DNAJC5: variants seen among roughly 807,000 people sequenced by gnomAD.
The protein encoded by DNAJC5 is dnaJ homolog subfamily C member 5.
DNAJC5 carries 1 observed loss-of-function variant against 23.2 expected under a neutral mutation model. The observed-to-expected ratio is 0.04, with a 90% CI of 0.02 to 0.20. The LOEUF (loss-of-function observed/expected upper bound fraction) is 0.20, where lower values mean the gene tolerates loss of function less well. DNAJC5 is among the 10% of genes least tolerant of loss of function. DNAJC5 has a pLI of 1.00. For synonymous variants in DNAJC5, 136 were observed against 120.0 expected (o/e 1.13, Z -0.87); for missense variants, 180 against 267.0 (o/e 0.67, Z 2.27).
rs757990386 is a variant in DNAJC5 at position 63,929,272 on chromosome 20, A to C, written c.108-40A>C. On this transcript the variant is annotated intron_variant, in intron 2 of 4. Coordinates refer to ENST00000360864, the MANE Select transcript of DNAJC5 (RefSeq NM_025219.3). This position sits in a 1 kb window ranked among gnomAD's most constrained non-coding sequence, Gnocchi z 8.6. ...ACGCGGCGGCGGGTGCGGGTGGAAC[A>C]AAGTCCAGGGTAGAGCCAGGACATG... The C allele has an allele frequency of 7.5e-6, 12 of 1,593,124 alleles. No individual in the cohort carries two copies. Among genetic ancestry groups the C allele is most frequent in the Non-Finnish European group, 1.0e-5 (12 of 1,170,000 alleles).
At chr20:63,907,086 C>G (rs186524413) in intron 1 of DNAJC5, among the ~76,000 whole-genome samples, 180 of 152,078 alleles carry the variant, frequency 1.2e-3, no homozygotes, top group African/African-American at 4.1e-3. Context: ...GAGACTCTGT[C>G]TCTAAAATAA....
rs2053712112 is a variant in DNAJC5 at position 63,935,702 on chromosome 20, C to T, written c.*4134C>T. Reference sequence around the variant, plus strand: ...GCTGGGCCCGGGGTCCTGCAGGCGGCACCTTTTGGTAGAGTTTGTTTCCCT... The same window carrying T: ...GCTGGGCCCGGGGTCCTGCAGGCGGTACCTTTTGGTAGAGTTTGTTTCCCT... On this transcript the variant is annotated 3_prime_UTR_variant, in exon 5 of 5. Coordinates refer to ENST00000360864, the MANE Select transcript of DNAJC5 (RefSeq NM_025219.3). The T allele has an allele frequency of 1.3e-5, 2 of 152,258 alleles. No homozygotes were observed. The highest frequency in any genetic ancestry group is 1.3e-4 in the Admixed American group (2 of 15,284). 9.4% of individuals were successfully genotyped at this position (152,258 alleles called of 1,614,324 possible).
chr20:63,905,560 C>T, intron 1 of DNAJC5, among the ~76,000 whole-genome samples: 1 of 150,626 alleles, frequency 6.6e-6, no homozygotes, highest in Non-Finnish European at 1.5e-5. Flanking sequence ...CATGACCGCA[C>T]ATGGCAGATT....
chr20:63,907,268 C>A (rs1328050221), intron 1 of DNAJC5, among the ~76,000 whole-genome samples: 1 of 152,132 alleles, frequency 6.6e-6, no homozygotes, highest in Non-Finnish European at 1.5e-5. Flanking sequence ...ACTTTGATTT[C>A]AGTTACAGCC....
At chr20:63,909,680 CAAA>C (rs1253622504) in intron 1 of DNAJC5, among the ~76,000 whole-genome samples, 1 of 152,162 alleles carries the variant, frequency 6.6e-6, no homozygotes, top group Non-Finnish European at 1.5e-5. Flanking sequence ...GACTCCGTCT[CAAA>C]GAAAGAAAAA....
chr20:63,909,419 C>T (rs1220763956), intron 1 of DNAJC5, among the ~76,000 whole-genome samples: 1 of 152,190 alleles, frequency 6.6e-6, no homozygotes. Context: ...AGGAGAATGG[C>T]GTGAACCAGG....
chr20:63,903,890 A>G (rs1460524849), intron 1 of DNAJC5, among the ~76,000 whole-genome samples: 1 of 152,144 alleles, frequency 6.6e-6, no homozygotes, highest in African/African-American at 2.4e-5. Context: ...ATTTGAGACC[A>G]GCCTGGGTAA....
In DNAJC5 at chr20:63,916,773, C is replaced by G. The variant is rs148687704; in HGVS notation, c.-11-11562C>G. Among the ~76,000 whole-genome samples the G allele has an allele frequency of 8.6e-3, 1,314 of 152,250 alleles. 18 individuals carry two copies. The highest frequency in any genetic ancestry group is 0.021 in the South Asian group (101 of 4,820). On this transcript the variant is annotated intron_variant, in intron 1 of 4. Transcript: ENST00000360864. ...AGAGCAGCCTTCTGTAGACCTCCCC[C>G]CAGGAATGCATTCCTTTCCCAGAGT...
intron 1 of DNAJC5, among the ~76,000 whole-genome samples, chr20:63,923,036 G>A (rs2053584724): frequency 6.6e-6 from 1 of 152,072 alleles, no homozygotes; most frequent in South Asian, 2.1e-4. Flanking sequence ...AGCTATTCAG[G>A]AGGCTACGGC....
intron 1 of DNAJC5, among the ~76,000 whole-genome samples, chr20:63,907,467 CAA>C (rs1165812117): frequency 6.6e-6 from 1 of 152,170 alleles, no homozygotes; most frequent in African/African-American, 2.4e-5. Context: ...GCCCATTCGA[CAA>C]AGAGGAGATC....
In DNAJC5 at chr20:63,931,200, AG is replaced by A; in HGVS notation, c.493+179del. On this transcript the variant is annotated intron_variant, in intron 4 of 4. Transcript: ENST00000360864. This position sits in a 1 kb window ranked among gnomAD's most constrained non-coding sequence, Gnocchi z 9.6. ...ACCCTGAGGTAAAGCAGGCGCATAG[AG>A]CTGTCCCCGCCGTGACCTGCGGTAG... The A allele has an allele frequency of 1.3e-6, 1 of 798,910 alleles. No individual in the cohort carries two copies. The highest frequency in any genetic ancestry group is 2.1e-6 in the Non-Finnish European group (1 of 484,970). The allele number at this position is 798,910 out of a possible 1,614,324, so 49.5% of individuals were successfully genotyped here.
intron 1 of DNAJC5, 114 bp downstream of exon 1, chr20:63,895,437 A>G (rs1405118684): frequency 8.6e-5 from 12 of 140,030 alleles, no homozygotes; most frequent in Admixed American, 7.8e-4. Flanking sequence ...AATGGCGGCG[A>G]CCCCCGGGCC....
intron 1 of DNAJC5, among the ~76,000 whole-genome samples, chr20:63,901,616 T>C (rs2053413243): frequency 6.6e-6 from 1 of 152,242 alleles, no homozygotes; most frequent in Non-Finnish European, 1.5e-5. Context: ...TGCAGGTGCC[T>C]GACGGGAGGA....
chr20:63,902,751 C>T lies in DNAJC5; in HGVS notation c.-12+7428C>T, dbSNP rs144516018. Among the ~76,000 whole-genome samples the T allele has an allele frequency of 5.9e-3, 881 of 148,714 alleles. 31 individuals carry two copies. Among genetic ancestry groups the T allele is most frequent in the Admixed American group, 0.052 (766 of 14,774 alleles). ...AGTGCAGTGACTCAGTCTCGGCTCA[C>T]TGCAAGCTCTGCCACCTGGGTTCAT... On this transcript the variant is annotated intron_variant, in intron 1 of 4. Transcript: ENST00000360864.
In DNAJC5 at chr20:63,928,358, A is replaced by G; in HGVS notation, c.13A>G (p.Arg5Gly). The G allele has an allele frequency of 6.2e-7, 1 of 1,613,926 alleles. No individual in the cohort carries two copies. The highest frequency in any genetic ancestry group is 8.5e-7 in the Non-Finnish European group (1 of 1,179,962). ...AGAATAGCCTAACATGGCAGACCAG[A>G]GACAGCGCTCACTGTCTACCTCTGG... MADQ[R>G]QRSLSTSGES... Residue 5 changes from arginine to glycine, a missense_variant, in exon 2 of 5, where the codon AGA (arginine) becomes GGA (glycine). This residue lies in a region of DNAJC5 where 77 missense variants were observed against 106.8 expected (regional missense o/e 0.72). Coordinates refer to ENST00000360864, the MANE Select transcript of DNAJC5 (RefSeq NM_025219.3). This position sits in a 1 kb window ranked among gnomAD's most constrained non-coding sequence, Gnocchi z 4.6.
rs942580356 is a variant in DNAJC5 at position 63,931,785 on chromosome 20, T to C, written c.*217T>C. The C allele has an allele frequency of 3.3e-6, 2 of 605,850 alleles. No homozygotes were observed. Among genetic ancestry groups the C allele is most frequent in the African/African-American group, 3.7e-5 (2 of 54,046 alleles). 37.5% of individuals were successfully genotyped at this position (605,850 alleles called of 1,614,324 possible). A position where few individuals can be genotyped will look rare whatever the true frequency, so the allele number is the denominator to read the frequency against. ...AGTGTAGCTACGGTCTTCTGTTTTT[T>C]TCCCTTTTTTAATAGCATGTATGGG... On this transcript the variant is annotated 3_prime_UTR_variant, in exon 5 of 5. Coordinates refer to ENST00000360864, the MANE Select transcript of DNAJC5 (RefSeq NM_025219.3). This position sits in a 1 kb window ranked among gnomAD's most constrained non-coding sequence, Gnocchi z 9.6.
intron 1 of DNAJC5, among the ~76,000 whole-genome samples, chr20:63,907,479 C>T (rs1398995425): frequency 2.0e-5 from 3 of 152,182 alleles, no homozygotes; most frequent in East Asian, 3.8e-4. Context: ...AAGAGGAGAT[C>T]GACATGGGGA....
chr20:63,933,478 G>A lies in DNAJC5; in HGVS notation c.*1910G>A, dbSNP rs1386458483. ...TGTTTCTTCTCACTAAAATGATCAC[G>A]AAGACCTTTGACAAGAGGAGAGATA... On this transcript the variant is annotated 3_prime_UTR_variant, in exon 5 of 5. Coordinates refer to ENST00000360864, the MANE Select transcript of DNAJC5 (RefSeq NM_025219.3). 1.3e-5 allele frequency: 2 copies of A among 152,320 alleles called. No individual in the cohort carries two copies. Among genetic ancestry groups the A allele is most frequent in the South Asian group, 2.1e-4 (1 of 4,830 alleles). 9.4% of individuals were successfully genotyped at this position (152,320 alleles called of 1,614,324 possible). A position where few individuals can be genotyped will look rare whatever the true frequency, so the allele number is the denominator to read the frequency against.
chr20:63,900,542 A>G (rs557640805), intron 1 of DNAJC5, among the ~76,000 whole-genome samples: 1 of 135,554 alleles, frequency 7.4e-6, no homozygotes, highest in South Asian at 2.4e-4. Flanking sequence ...GCTCCACTGC[A>G]CTCCAGCCTG....
Sources: gnomAD v4.1 joint callset for allele counts (sites outside exome capture counted in the v4.1 genomes callset) on GRCh38, gnomAD v4.1.1 for gene constraint, gnomAD v4.1.1 regional missense constraint, Gnocchi (gnomAD v3.1) non-coding constraint, MANE v1.5 for transcripts, NCBI Gene and HGNC (gene_info 2026-07-23, HGNC 2026-07-21) for gene names.